The following ITGA9 variants were observed in gnomAD, a reference collection of about 807,000 sequenced individuals.
The protein encoded by ITGA9 is integrin subunit alpha 9.
ITGA9 carries 56 observed loss-of-function variants against 127.8 expected under a neutral mutation model. The observed-to-expected ratio is 0.44, with a 90% CI of 0.35 to 0.55. ITGA9 has a LOEUF of 0.55. Among genes scored for constraint, ITGA9 ranks in the 20% least tolerant of loss-of-function variants. ITGA9 has a pLI of 0.00. For missense variants in ITGA9, 1,196 were observed against 1,347.1 expected, an observed-to-expected ratio of 0.89 and a Z score of 1.76; for synonymous variants, 508 against 514.5, an observed-to-expected ratio of 0.99 and a Z score of 0.17.
At chr3:37,625,336 C>G (rs147770601) in intron 15 of ITGA9, among the ~76,000 whole-genome samples, 2 of 152,314 alleles carry the variant, frequency 1.3e-5, no homozygotes, top group African/African-American at 4.8e-5. Flanking sequence ...TTCCCTGTGG[C>G]CCAGCACATT....
chr3:37,700,473 G>A (rs772820092), intron 18 of ITGA9, among the ~76,000 whole-genome samples: 3 of 152,156 alleles, frequency 2.0e-5, no homozygotes, highest in South Asian at 2.1e-4. Flanking sequence ...CCCAGCCTCC[G>A]GAGTAGTTGG....
intron 16 of ITGA9, among the ~76,000 whole-genome samples, chr3:37,636,596 G>A (rs1198233946): frequency 6.6e-6 from 1 of 152,156 alleles, no homozygotes; most frequent in African/African-American, 2.4e-5. Flanking sequence ...TGTTCACTCT[G>A]ATGGTAGTTT....
chr3:37,635,977 CT>C (rs1180228323), intron 16 of ITGA9, among the ~76,000 whole-genome samples: 7 of 151,852 alleles, frequency 4.6e-5, no homozygotes, highest in African/African-American at 1.7e-4. Flanking sequence ...TTTTTTATGG[CT>C]GCATAGTATT....
intron 17 of ITGA9, among the ~76,000 whole-genome samples, chr3:37,661,562 G>A (rs1190697306): frequency 6.6e-6 from 1 of 152,228 alleles, no homozygotes; most frequent in Non-Finnish European, 1.5e-5. Context: ...GATACAATCA[G>A]TTAAGTGCTA....
intron 23 of ITGA9, among the ~76,000 whole-genome samples, chr3:37,770,911 A>G (rs780541901): frequency 1.8e-4 from 27 of 152,152 alleles, no homozygotes; most frequent in Non-Finnish European, 3.2e-4. Flanking sequence ...AGTTTGCACA[A>G]TGTCCTCTTT....
Position 37,821,214 on chromosome 3 carries a change from A to G in ITGA9, c.*2225A>G, listed in dbSNP as rs1697510803. The stretch of plus-strand genomic sequence containing the variant: ...GTGGGATGGAGGCACAGAGGTAGCT[A>G]CAGGGAGCAGGACGAGGCAAAGAAA... On this transcript the variant is annotated 3_prime_UTR_variant, in exon 28 of 28. Coordinates refer to ENST00000264741, the MANE Select transcript of ITGA9 (RefSeq NM_002207.3). 1 of 152,272 alleles carries G rather than the reference A, an allele frequency of 6.6e-6. No individual in the cohort carries two copies. Among genetic ancestry groups the G allele is most frequent in the Non-Finnish European group, 1.5e-5 (1 of 68,068 alleles). 9.4% of individuals were successfully genotyped at this position (152,272 alleles called of 1,614,324 possible).
At chr3:37,482,585 T>A (rs1214820029) in intron 4 of ITGA9, among the ~76,000 whole-genome samples, 2 of 152,236 alleles carry the variant, frequency 1.3e-5, no homozygotes, top group African/African-American at 4.8e-5. Context: ...TATGTCCACA[T>A]TGCCTTTGGG....
chr3:37,656,170 A>T (rs1700475885), intron 17 of ITGA9, among the ~76,000 whole-genome samples: 1 of 152,184 alleles, frequency 6.6e-6, no homozygotes, highest in African/African-American at 2.4e-5. Context: ...TGCCTTGGCT[A>T]TAGGGATTCT....
intron 18 of ITGA9, among the ~76,000 whole-genome samples, chr3:37,696,453 G>A (rs934633532): frequency 1.9e-4 from 29 of 152,144 alleles, no homozygotes; most frequent in African/African-American, 6.5e-4. Flanking sequence ...CCATTTCAAC[G>A]ATGTTGTCAA....
At chr3:37,554,692 A>T (rs1280429334) in intron 15 of ITGA9, among the ~76,000 whole-genome samples, 1 of 151,924 alleles carries the variant, frequency 6.6e-6, no homozygotes, top group Non-Finnish European at 1.5e-5. Context: ...TTGAAGGGGG[A>T]TCCTACAGCA....
At chr3:37,645,061 C>G (rs1378113251) in intron 16 of ITGA9, among the ~76,000 whole-genome samples, 2 of 152,084 alleles carry the variant, frequency 1.3e-5, no homozygotes, top group African/African-American at 4.8e-5. Context: ...ACCTCTTACA[C>G]TCAGGTCATG....
At chr3:37,467,473 C>T (rs1443740707) in intron 1 of ITGA9, among the ~76,000 whole-genome samples, 4 of 152,140 alleles carry the variant, frequency 2.6e-5, no homozygotes, top group Non-Finnish European at 5.9e-5. Context: ...AATAAGCTCT[C>T]CAGGGTCCCC....
rs1156399958 is a variant in ITGA9 at position 37,452,505 on chromosome 3, C to A, written c.131C>A (p.Ala44Asp). 9 of 1,525,728 alleles carry A rather than the reference C, an allele frequency of 5.9e-6. No individual in the cohort carries two copies. The South Asian group carries it at 9.8e-5, about 17-fold the overall frequency. 94.5% of individuals were successfully genotyped at this position (1,525,728 alleles called of 1,614,324 possible). Residue 44 changes from alanine to aspartate, a missense_variant, in exon 1 of 28, where the codon GCT (alanine) becomes GAT (aspartate). Physicochemically the swap from Ala to Asp is moderately radical, Grantham distance 126. Coordinates refer to ENST00000264741, the MANE Select transcript of ITGA9 (RefSeq NM_002207.3). This position sits in a 1 kb window ranked among gnomAD's most constrained non-coding sequence, Gnocchi z 7.3. ...PQRPVHFQGP[A>D]DSFFGYAVLE... ...CGCCCCGTGCACTTCCAGGGCCCCG[C>A]TGACTCGTTCTTCGGCTACGCAGTT...
intron 18 of ITGA9, among the ~76,000 whole-genome samples, chr3:37,710,698 A>G (rs1701070021): frequency 6.6e-6 from 1 of 152,208 alleles, no homozygotes; most frequent in African/African-American, 2.4e-5. Context: ...CCCTAGGACA[A>G]CAGGCAGAAA....
chr3:37,453,887 C>G (rs909692856), intron 1 of ITGA9, among the ~76,000 whole-genome samples: 48 of 152,212 alleles, frequency 3.2e-4, no homozygotes, highest in Admixed American at 1.3e-4. Flanking sequence ...ACATAGCTCT[C>G]GCCCAGCTCC....
chr3:37,726,437 C>T (rs1696202234), intron 18 of ITGA9, among the ~76,000 whole-genome samples: 1 of 152,216 alleles, frequency 6.6e-6, no homozygotes, highest in African/African-American at 2.4e-5. Flanking sequence ...TCCCAAAGAG[C>T]ACCATATTCG....
intron 15 of ITGA9, among the ~76,000 whole-genome samples, chr3:37,571,994 G>A (rs2125605284): frequency 6.6e-6 from 1 of 152,076 alleles, no homozygotes; most frequent in Non-Finnish European, 1.5e-5. Flanking sequence ...GGGCTAGTGG[G>A]GATCATGGGG....
At chr3:37,478,365 A>C (rs1355142900) in intron 3 of ITGA9, among the ~76,000 whole-genome samples, 1 of 150,982 alleles carries the variant, frequency 6.6e-6, no homozygotes, top group East Asian at 1.9e-4. Flanking sequence ...GCCATTACCC[A>C]CCTCTAGGAG....
At chr3:37,778,974 C>T (rs535066786) in intron 24 of ITGA9, among the ~76,000 whole-genome samples, 20 of 149,536 alleles carry the variant, frequency 1.3e-4, no homozygotes, top group African/African-American at 4.9e-4. Context: ...TTTATAGTTA[C>T]GACTCTGTCT....
Sources: allele counts gnomAD v4.1 joint callset (sites outside exome capture counted in the v4.1 genomes callset), GRCh38; gene constraint gnomAD v4.1.1; non-coding constraint Gnocchi (gnomAD v3.1); transcripts MANE v1.5; gene names NCBI Gene and HGNC (gene_info 2026-07-23, HGNC 2026-07-21).